OPCML: variants seen among roughly 807,000 people sequenced by gnomAD.
OPCML encodes opioid-binding protein/cell adhesion molecule.
In OPCML, 13 loss-of-function variants were observed where a neutral mutation model predicts 37.8. The ratio of observed to expected loss-of-function variants is 0.34; its 90% CI spans 0.22 to 0.55. The LOEUF (loss-of-function observed/expected upper bound fraction) is 0.55, where lower values mean the gene tolerates loss of function less well. Ranked by LOEUF, OPCML falls within the 20% of genes least tolerant of loss-of-function variation. The pLI is 0.91. For synonymous variants in OPCML, 176 were observed against 168.8 expected (o/e 1.04, Z -0.33); for missense variants, 341 against 435.6 (o/e 0.78, Z 1.93).
At chr11:133,204,516 A>G (rs1938948496) in intron 1 of OPCML, among the ~76,000 whole-genome samples, 1 of 152,178 alleles carries the variant, frequency 6.6e-6, no homozygotes, top group Non-Finnish European at 1.5e-5. Context: ...CCTGTGGCCT[A>G]ACTTCACTAG....
intron 4 of OPCML, among the ~76,000 whole-genome samples, chr11:132,484,205 T>C (rs909335013): frequency 6.6e-6 from 1 of 151,778 alleles, no homozygotes; most frequent in African/African-American, 2.4e-5. Flanking sequence ...TACAATGAAC[T>C]CCAACAAATT....
chr11:132,763,342 A>G (rs1946330495), intron 2 of OPCML, among the ~76,000 whole-genome samples: 1 of 152,202 alleles, frequency 6.6e-6, no homozygotes, highest in Admixed American at 6.5e-5. Context: ...TCATTTTAGT[A>G]ATAGTACTAA....
At chr11:133,277,340 A>T (rs1441930899) in intron 1 of OPCML, among the ~76,000 whole-genome samples, 2 of 152,212 alleles carry the variant, frequency 1.3e-5, no homozygotes, top group Admixed American at 6.5e-5. Context: ...AACATGAGTC[A>T]TTGAGAGTCA....
rs984324020 is a variant in OPCML, at chr11:133,386,455, A to C, written c.61+145809T>G. Among the ~76,000 whole-genome samples the C allele has an allele frequency of 4.6e-5, 7 of 152,186 alleles. No homozygotes were observed. In the South Asian group the frequency reaches 6.2e-4, roughly 14 times the overall value. ...AATTAAATTAGAAGACATACTGGCC[A>C]GCTCCCAGCTCCCAACAACGGCACT... On this transcript the variant is annotated intron_variant, in intron 1 of 7. Coordinates refer to ENST00000524381, the MANE Select transcript of OPCML (RefSeq NM_001012393.5).
At chr11:132,512,998 G>A (rs1004647450) in intron 4 of OPCML, among the ~76,000 whole-genome samples, 44 of 152,072 alleles carry the variant, frequency 2.9e-4, no homozygotes, top group African/African-American at 1.0e-3. Flanking sequence ...TAAATAAAAA[G>A]CCCTTGTTCT....
At chr11:132,726,844 C>T (rs1332837039) in intron 2 of OPCML, among the ~76,000 whole-genome samples, 1 of 152,166 alleles carries the variant, frequency 6.6e-6, no homozygotes, top group Non-Finnish European at 1.5e-5. Context: ...GGACATGGTT[C>T]CATGTGCCTG....
intron 1 of OPCML, among the ~76,000 whole-genome samples, chr11:132,982,891 A>G (rs540134371): frequency 6.6e-6 from 1 of 152,294 alleles, no homozygotes; most frequent in Non-Finnish European, 1.5e-5. Context: ...GATGCATGCC[A>G]GAGCTTTCTT....
intron 3 of OPCML, among the ~76,000 whole-genome samples, chr11:132,617,881 A>G (rs1793271): frequency 0.71 from 108,558 of 152,126 alleles, 39,084 homozygotes; most frequent in East Asian, 0.87. Context: ...CTCTTCAAAG[A>G]CCCTGTCTCC....
chr11:132,978,670 T>G (rs1946517083), intron 1 of OPCML, among the ~76,000 whole-genome samples: 1 of 152,178 alleles, frequency 6.6e-6, no homozygotes, highest in South Asian at 2.1e-4. Flanking sequence ...GGGTCAGTCT[T>G]TGGATCTCTG....
At position 132,436,100 on chromosome 11, in the gene OPCML, C is replaced by T; in HGVS notation, c.902G>A (p.Ser301Asn). The change falls in exon 7 of 8, where the codon AGC becomes AAC. Residue 301 changes from serine to asparagine, a missense_variant. Physicochemically the swap from Ser to Asn is conservative, Grantham distance 46. Coordinates refer to ENST00000524381, the MANE Select transcript of OPCML (RefSeq NM_001012393.5). ...CCAGCACTCACCATACAATGTGATG[C>T]TGGCATTGGTGTTCCCAAGCTTGTT... ...ATNKLGNTNA[S>N]ITLYGPGAVI... is the part of the protein sequence containing the mutation. The T allele has an allele frequency of 1.9e-6, 3 of 1,613,930 alleles. No homozygotes were observed. Among genetic ancestry groups the T allele is most frequent in the Non-Finnish European group, 1.7e-6 (2 of 1,179,898 alleles).
intron 2 of OPCML, among the ~76,000 whole-genome samples, chr11:132,743,741 G>A (rs187799769): frequency 6.6e-5 from 10 of 152,290 alleles, no homozygotes; most frequent in Admixed American, 5.2e-4. Context: ...GTCTTCCTGA[G>A]GTTAAATCAT....
At chr11:133,408,733 T>G (rs1945580309) in intron 1 of OPCML, among the ~76,000 whole-genome samples, 1 of 152,090 alleles carries the variant, frequency 6.6e-6, no homozygotes, top group Non-Finnish European at 1.5e-5. Context: ...CAAAAGACCC[T>G]GAGAAAACCC....
chr11:132,694,004 A>T (rs1943505801), intron 2 of OPCML, among the ~76,000 whole-genome samples: 1 of 152,010 alleles, frequency 6.6e-6, no homozygotes, highest in South Asian at 2.1e-4. Context: ...TGGTTCCAGA[A>T]ATTAGAATAC....
chr11:132,829,621 G>A (rs775957717), intron 2 of OPCML, among the ~76,000 whole-genome samples: 3 of 152,278 alleles, frequency 2.0e-5, no homozygotes, highest in Admixed American at 1.3e-4. Flanking sequence ...TCTCCTGTCC[G>A]GTGTTGGCCT....
chr11:133,501,871 C>T (rs1388586357), intron 1 of OPCML, among the ~76,000 whole-genome samples: 1 of 152,116 alleles, frequency 6.6e-6, no homozygotes, highest in Admixed American at 6.5e-5. Flanking sequence ...CCCTCCCCTC[C>T]GTCCTAATCC....
At chr11:133,525,001 C>G (rs536690805) in intron 1 of OPCML, among the ~76,000 whole-genome samples, 1 of 152,224 alleles carries the variant, frequency 6.6e-6, no homozygotes, top group Non-Finnish European at 1.5e-5. Context: ...AGCACTTGCT[C>G]TCTCCCACCC....
chr11:133,530,398 C>T (rs1948581132), intron 1 of OPCML, among the ~76,000 whole-genome samples: 1 of 152,248 alleles, frequency 6.6e-6, no homozygotes, highest in African/African-American at 2.4e-5. Flanking sequence ...TCCATACAGC[C>T]AGGATTCCCT....
chr11:132,544,133 TC>T (rs2096363575), intron 3 of OPCML, among the ~76,000 whole-genome samples: 1 of 152,090 alleles, frequency 6.6e-6, no homozygotes, highest in Non-Finnish European at 1.5e-5. Flanking sequence ...TATTAGTCTA[TC>T]CCTAGATACT....
chr11:132,512,225 C>A (rs2096270340), intron 4 of OPCML, among the ~76,000 whole-genome samples: 1 of 152,048 alleles, frequency 6.6e-6, no homozygotes, highest in South Asian at 2.1e-4. Context: ...TATACAATGA[C>A]AAGCCTGTGG....
Sources: allele counts gnomAD v4.1 joint callset (sites outside exome capture counted in the v4.1 genomes callset), GRCh38; gene constraint gnomAD v4.1.1; transcripts MANE v1.5; gene names NCBI Gene and HGNC (gene_info 2026-07-23, HGNC 2026-07-21).